The following CCDC172 variants were observed in gnomAD, a reference collection of about 807,000 sequenced individuals.
CCDC172 encodes the protein coiled-coil domain containing 172, also known as coiled-coil domain-containing protein 172.
Under a neutral mutation model 38.0 loss-of-function variants are expected in CCDC172, and 30 were observed. The ratio of observed to expected loss-of-function variants is 0.79; its 90% CI spans 0.59 to 1.07. The LOEUF (loss-of-function observed/expected upper bound fraction) is 1.07. Among genes scored for constraint, CCDC172 ranks in the 50% least tolerant of loss-of-function variants. The pLI is 0.00. For missense variants in CCDC172, 297 were observed against 290.1 expected (o/e 1.02, Z -0.17); for synonymous variants, 78 against 88.3 (o/e 0.88, Z 0.66).
At chr10:116,354,216 A>G (rs1472004330) in intron 5 of CCDC172, among the ~76,000 whole-genome samples, 2 of 152,210 alleles carry the variant, frequency 1.3e-5, no homozygotes, top group East Asian at 1.9e-4. Context: ...ATATAAAAGT[A>G]TAGCACATAA....
chr10:116,326,760 C>G (rs1844598168), intron 3 of CCDC172, among the ~76,000 whole-genome samples: 1 of 152,100 alleles, frequency 6.6e-6, no homozygotes. Flanking sequence ...TGCCTGTTAT[C>G]TAACAGTATA....
At chr10:116,368,629 C>G (rs1237556709) in intron 7 of CCDC172, among the ~76,000 whole-genome samples, 4 of 151,860 alleles carry the variant, frequency 2.6e-5, no homozygotes, top group Non-Finnish European at 5.9e-5. Context: ...GTTCCAGGCT[C>G]TTCTTTTACA....
At chr10:116,342,981 A>G (rs1219433495) in intron 5 of CCDC172, among the ~76,000 whole-genome samples, 1 of 151,868 alleles carries the variant, frequency 6.6e-6, no homozygotes, top group African/African-American at 2.4e-5. Flanking sequence ...CTTCTTTTTT[A>G]ATAAATTACC....
chr10:116,376,692 C>A (rs550567919), intron 7 of CCDC172, among the ~76,000 whole-genome samples: 1 of 152,044 alleles, frequency 6.6e-6, no homozygotes, highest in African/African-American at 2.4e-5. Flanking sequence ...GCCTATCTGA[C>A]CTTGCTTTAA....
intron 5 of CCDC172, among the ~76,000 whole-genome samples, chr10:116,357,091 C>A (rs1175234291): frequency 1.3e-5 from 2 of 151,988 alleles, no homozygotes; most frequent in Admixed American, 1.3e-4. Flanking sequence ...GTTTAGTTTT[C>A]TATTTCTTTT....
chr10:116,371,742 T>C (rs1845187745), intron 7 of CCDC172, among the ~76,000 whole-genome samples: 1 of 152,066 alleles, frequency 6.6e-6, no homozygotes, highest in Admixed American at 6.6e-5. Flanking sequence ...ATAGACAAAT[T>C]TGCAGGGACT....
chr10:116,344,549 G>T (rs1442376437), intron 5 of CCDC172, among the ~76,000 whole-genome samples: 1 of 152,158 alleles, frequency 6.6e-6, no homozygotes, highest in African/African-American at 2.4e-5. Flanking sequence ...GCTGGAAGTT[G>T]CTCTGGGCGA....
intron 7 of CCDC172, among the ~76,000 whole-genome samples, chr10:116,372,617 A>G (rs1370914661): frequency 6.6e-6 from 1 of 152,156 alleles, no homozygotes; most frequent in Non-Finnish European, 1.5e-5. Context: ...ATTTGTCAGT[A>G]ATAATGGTAG....
intron 7 of CCDC172, among the ~76,000 whole-genome samples, chr10:116,368,572 T>A (rs1352515693): frequency 6.6e-6 from 1 of 151,998 alleles, no homozygotes; most frequent in African/African-American, 2.4e-5. Flanking sequence ...TGAAATTGAT[T>A]TCTGTGTGGG....
chr10:116,342,671 G>C (rs188799542), intron 5 of CCDC172, among the ~76,000 whole-genome samples: 10 of 152,248 alleles, frequency 6.6e-5, no homozygotes, highest in Admixed American at 2.0e-4. Context: ...TGCAAATGTC[G>C]TGTCAAATTG....
At chr10:116,327,993 CTA>C (rs1179045812) in intron 3 of CCDC172, among the ~76,000 whole-genome samples, 1 of 152,044 alleles carries the variant, frequency 6.6e-6, no homozygotes, top group Admixed American at 6.5e-5. Flanking sequence ...CAAGGAGAAA[CTA>C]TTAATAGAAC....
intron 7 of CCDC172, among the ~76,000 whole-genome samples, chr10:116,375,155 T>G (rs2134972882): frequency 6.6e-6 from 1 of 152,168 alleles, no homozygotes; most frequent in East Asian, 1.9e-4. Flanking sequence ...TGTAAGCTAT[T>G]GCTTCCTGTC....
intron 7 of CCDC172, among the ~76,000 whole-genome samples, chr10:116,377,556 T>C (rs549082632): frequency 1.3e-5 from 2 of 152,236 alleles, no homozygotes; most frequent in East Asian, 3.9e-4. Flanking sequence ...TGTTAAAAAA[T>C]TCAAAATATT....
intron 5 of CCDC172, among the ~76,000 whole-genome samples, chr10:116,352,859 G>A (rs181278305): frequency 3.3e-5 from 5 of 152,046 alleles, no homozygotes; most frequent in Admixed American, 6.6e-5. Context: ...ACATGATCTC[G>A]TATATAGAAA....
rs1463937564 is a variant in CCDC172, at chr10:116,325,517, T to C, written c.165+129T>C. The C allele has an allele frequency of 4.6e-6, 3 of 653,028 alleles. No homozygotes were observed. The African/African-American group carries it at 5.5e-5, about 12-fold the overall frequency. The allele number at this position is 653,028 out of a possible 1,614,324, so 40.5% of individuals were successfully genotyped here. A position where few individuals can be genotyped will look rare whatever the true frequency, so the allele number is the denominator to read the frequency against. ...GCACGTTACTCTGTGCTGGCTGTTTTAGTTCCATGTTGCCTGGTGATGTTT... is the reference window on the plus strand; with the variant it reads ...GCACGTTACTCTGTGCTGGCTGTTTCAGTTCCATGTTGCCTGGTGATGTTT... On this transcript the variant is annotated intron_variant, in intron 3 of 8. Coordinates refer to ENST00000333254, the MANE Select transcript of CCDC172 (RefSeq NM_198515.3).
chr10:116,364,231 G>A (rs2134959849), intron 7 of CCDC172, among the ~76,000 whole-genome samples: 1 of 152,190 alleles, frequency 6.6e-6, no homozygotes. Flanking sequence ...TCAATAAAAT[G>A]TAAATTAAAA....
At chr10:116,359,829 T>A (rs894970107) in intron 7 of CCDC172, among the ~76,000 whole-genome samples, 2 of 152,222 alleles carry the variant, frequency 1.3e-5, no homozygotes, top group African/African-American at 4.8e-5. Flanking sequence ...TTGTCTATAT[T>A]GAAATTCTTT....
At chr10:116,334,095 A>AGG (rs1478890967) in intron 3 of CCDC172, among the ~76,000 whole-genome samples, 1 of 152,184 alleles carries the variant, frequency 6.6e-6, no homozygotes, top group African/African-American at 2.4e-5. Flanking sequence ...AATTCCTCCC[A>AGG]AGAGAGATAG....
At chr10:116,352,420 G>T (rs1844942199) in intron 5 of CCDC172, among the ~76,000 whole-genome samples, 1 of 152,114 alleles carries the variant, frequency 6.6e-6, no homozygotes, top group Non-Finnish European at 1.5e-5. Context: ...ACCTAGAAAT[G>T]ATATAGATGA....
Sources: gnomAD v4.1 joint callset for allele counts (sites outside exome capture counted in the v4.1 genomes callset) on GRCh38, gnomAD v4.1.1 for gene constraint, MANE v1.5 for transcripts, NCBI Gene and HGNC (gene_info 2026-07-23, HGNC 2026-07-21) for gene names.